The following ADAM18 variants were observed in gnomAD, a reference collection of about 807,000 sequenced individuals.
ADAM18 encodes disintegrin and metalloproteinase domain-containing protein 18.
Under a neutral mutation model 94.4 loss-of-function variants are expected in ADAM18, and 117 were observed. The ratio of observed to expected loss-of-function variants is 1.24; its 90% confidence interval spans 1.07 to 1.45. The LOEUF is 1.45. Among genes scored for constraint, ADAM18 ranks in the 40% most tolerant of loss-of-function variants. ADAM18 has a pLI of 0.00. For synonymous variants in ADAM18, 327 were observed against 291.6 expected, an observed-to-expected ratio of 1.12 and a Z score of -1.24; for missense variants, 936 against 880.0, an observed-to-expected ratio of 1.06 and a Z score of -0.81.
chr8:39,654,153 C>CTTTTTTTTTTTTTT (rs1563292600), intron 12 of ADAM18, among the ~76,000 whole-genome samples: 2 of 118,770 alleles, frequency 1.7e-5, no homozygotes, highest in Non-Finnish European at 3.6e-5. Flanking sequence ...GGATTTCATT[C>CTTTTTTTTTTTTTT]CTTTTTTTTT....
chr8:39,637,543 A>T lies in ADAM18; in HGVS notation c.667A>T (p.Thr223Ser), dbSNP rs34064543. 411 of 1,608,348 alleles carry T rather than the reference A, an allele frequency of 2.6e-4. 2 individuals carry two copies. In the African/African-American group the frequency reaches 5.2e-3, roughly 20 times the overall value. The change falls in exon 9 of 20, where the codon ACC becomes TCC. Residue 223 changes from threonine (T) to serine (S), a missense_variant. Physicochemically the swap from Thr to Ser is moderately conservative, Grantham distance 58. Coordinates refer to ENST00000265707, the MANE Select transcript of ADAM18 (RefSeq NM_014237.3). Reference sequence around the variant, plus strand: ...CAATACATCTTATTTTTAGATGTTTACCCAGTTCAAATTGACTGTTATACT... The same window carrying T: ...CAATACATCTTATTTTTAGATGTTTTCCCAGTTCAAATTGACTGTTATACT... The part of the protein sequence containing the change: ...QVIGLVNTMF[T>S]QFKLTVILSS...
At chr8:39,675,431 G>A (rs1239223021) in intron 14 of ADAM18, among the ~76,000 whole-genome samples, 1 of 152,134 alleles carries the variant, frequency 6.6e-6, no homozygotes, top group Non-Finnish European at 1.5e-5. Flanking sequence ...TGATGTTTGT[G>A]CATGCCTCAC....
At chr8:39,677,179 T>C (rs937772089) in intron 14 of ADAM18, among the ~76,000 whole-genome samples, 1 of 152,136 alleles carries the variant, frequency 6.6e-6, no homozygotes, top group African/African-American at 2.4e-5. Context: ...TAAGAAGTAT[T>C]TGCTCCCACC....
intron 6 of ADAM18, among the ~76,000 whole-genome samples, chr8:39,625,691 T>C (rs528062092): frequency 6.6e-6 from 1 of 152,286 alleles, no homozygotes; most frequent in South Asian, 2.1e-4. Context: ...ATAGCTTTTA[T>C]TATTTTCAGG....
intron 17 of ADAM18, among the ~76,000 whole-genome samples, chr8:39,696,118 A>G (rs1245304907): frequency 6.6e-6 from 1 of 151,458 alleles, no homozygotes; most frequent in Non-Finnish European, 1.5e-5. Context: ...TTATCACTGT[A>G]GTTTTGATTT....
chr8:39,606,441 G>T, intron 3 of ADAM18, 79 bp downstream of exon 3: 1 of 903,034 alleles, frequency 1.1e-6, no homozygotes, highest in African/African-American at 1.7e-5. Context: ...TTTTTGTGCA[G>T]TATTTAAATT....
intron 12 of ADAM18, among the ~76,000 whole-genome samples, chr8:39,661,117 TAAA>T (rs143344538): frequency 1.4e-5 from 2 of 138,608 alleles, no homozygotes; most frequent in Non-Finnish European, 1.6e-5. Flanking sequence ...CATACTCAAA[TAAA>T]AAAAAAACCA....
At chr8:39,647,763 ATTTT>A (rs1820425309) in intron 11 of ADAM18, among the ~76,000 whole-genome samples, 1 of 152,200 alleles carries the variant, frequency 6.6e-6, no homozygotes, top group African/African-American at 2.4e-5. Context: ...GCTTGTAAAC[ATTTT>A]GTTAACAAGG....
intron 2 of ADAM18, among the ~76,000 whole-genome samples, chr8:39,604,306 G>A (rs1818998283): frequency 2.0e-5 from 3 of 152,114 alleles, no homozygotes; most frequent in Admixed American, 2.0e-4. Flanking sequence ...GAAAATTATA[G>A]AACTAGTTTT....
At position 39,610,493 on chromosome 8, in the gene ADAM18, T is replaced by G. The variant is rs755458692; in HGVS notation, c.345-36T>G. Reference sequence around the variant, plus strand: ...TTTTGAAGGGATCATTTGTGAGATTTTTATAACTATTTTCTTATGCCTTCT... The same window carrying G: ...TTTTGAAGGGATCATTTGTGAGATTGTTATAACTATTTTCTTATGCCTTCT... On this transcript the variant is annotated intron_variant, in intron 5 of 19. Coordinates refer to ENST00000265707, the MANE Select transcript of ADAM18 (RefSeq NM_014237.3). The G allele has an allele frequency of 3.2e-6, 5 of 1,554,026 alleles. No homozygotes were observed. In the African/African-American group the frequency reaches 5.5e-5, roughly 17 times the overall value.
chr8:39,633,478 C>T (rs1014192494), intron 7 of ADAM18, among the ~76,000 whole-genome samples: 19 of 152,192 alleles, frequency 1.2e-4, no homozygotes, highest in African/African-American at 4.6e-4. Context: ...TGGTCATGAA[C>T]AGAATGCTGG....
At chr8:39,646,261 G>A (rs749703941) in intron 11 of ADAM18, among the ~76,000 whole-genome samples, 6 of 151,708 alleles carry the variant, frequency 4.0e-5, no homozygotes, top group Non-Finnish European at 5.9e-5. Flanking sequence ...TGTCTACCTT[G>A]GTGCTATCCA....
chr8:39,722,217 G>GTATATATA lies in ADAM18; in HGVS notation c.2018-1493_2018-1486dup, dbSNP rs61542840. On this transcript the variant is annotated intron_variant, in intron 18 of 19. Coordinates refer to ENST00000265707, the MANE Select transcript of ADAM18 (RefSeq NM_014237.3). ...TGTGTGTGTGTGTGTGTGTGTGTGT[G>GTATATATA]TATATATATATATATATATATATAT... Among the ~76,000 whole-genome samples, 10 of 91,538 alleles carry GTATATATA rather than the reference G, an allele frequency of 1.1e-4. 1 individual carries two copies. The highest frequency in any genetic ancestry group is 4.3e-4 in the South Asian group (1 of 2,304). The allele number at this position is 91,538 out of a possible 152,430, so 60.1% of individuals were successfully genotyped here. A position where few individuals can be genotyped will look rare whatever the true frequency, so the allele number is the denominator to read the frequency against.
intron 2 of ADAM18, among the ~76,000 whole-genome samples, chr8:39,592,013 CT>C: frequency 6.6e-6 from 1 of 152,128 alleles, no homozygotes; most frequent in Admixed American, 6.6e-5. Context: ...TGAAAATAAT[CT>C]TTTTTTCTGA....
At chr8:39,715,863 T>G (rs1421245928) in intron 18 of ADAM18, among the ~76,000 whole-genome samples, 1 of 151,976 alleles carries the variant, frequency 6.6e-6, no homozygotes, top group Non-Finnish European at 1.5e-5. Context: ...TAACCAAACA[T>G]TTAAGTAAGA....
intron 16 of ADAM18, among the ~76,000 whole-genome samples, chr8:39,692,113 C>T (rs1465199088): frequency 6.6e-6 from 1 of 151,728 alleles, no homozygotes; most frequent in Non-Finnish European, 1.5e-5. Flanking sequence ...AAAAGTTTTA[C>T]AAGAAATAAA....
At chr8:39,720,107 TG>T (rs1822706129) in intron 18 of ADAM18, among the ~76,000 whole-genome samples, 1 of 151,226 alleles carries the variant, frequency 6.6e-6, no homozygotes, top group Non-Finnish European at 1.5e-5. Context: ...CTCAATACAG[TG>T]GAATACTATC....
intron 12 of ADAM18, among the ~76,000 whole-genome samples, chr8:39,652,172 G>A (rs1460312696): frequency 6.6e-6 from 1 of 151,858 alleles, no homozygotes; most frequent in Non-Finnish European, 1.5e-5. Context: ...CAAAAACACA[G>A]ACAGCAAAAG....
rs745844219 is a variant in ADAM18, at chr8:39,585,317, AT to A, written c.99del (p.Lys34SerfsTer12). The A allele has an allele frequency of 5.0e-6, 8 of 1,613,660 alleles. No homozygotes were observed. Among genetic ancestry groups the A allele is most frequent in the Non-Finnish European group, 4.2e-6 (5 of 1,179,730 alleles). ...TCTGCATGTCACAGTTCCACGGAAG[AT>A]TAAGTCAAATGACAGTGAAGTTTCA... ...IFLHVTVPRKIKSNDSEVSER... is the reference protein window; with the variant it reads ...IFLHVTVPRKXKSNDSEVSER... On this transcript the variant is annotated frameshift_variant, in exon 2 of 20. Transcript: ENST00000265707. LOFTEE classifies it high-confidence loss of function.
Sources: allele counts gnomAD v4.1 joint callset (sites outside exome capture counted in the v4.1 genomes callset), GRCh38; gene constraint gnomAD v4.1.1; transcripts MANE v1.5; gene names NCBI Gene and HGNC (gene_info 2026-07-23, HGNC 2026-07-21).